Variants in HSPD1 observed in about 807,000 individuals in gnomAD.
HSPD1 encodes the protein 60 kDa heat shock protein, mitochondrial.
A neutral mutation model predicts 53.0 loss-of-function variants in HSPD1; 3 were observed. That is an observed-to-expected ratio of 0.06 (90% CI 0.03 to 0.15). The LOEUF (loss-of-function observed/expected upper bound fraction) is 0.15, where lower values mean the gene tolerates loss of function less well. HSPD1 is among the 10% of genes least tolerant of loss of function. The pLI is 1.00. For synonymous variants in HSPD1, 200 were observed against 228.0 expected, an observed-to-expected ratio of 0.88 and a Z score of 1.10; for missense variants, 431 against 694.1, an observed-to-expected ratio of 0.62 and a Z score of 4.26.
chr2:197,495,528 C>T (rs2086147051), intron 3 of HSPD1, 152 bp from the exon 4 acceptor site: 1 of 631,380 alleles, frequency 1.6e-6, no homozygotes, highest in African/African-American at 1.9e-5. Flanking sequence ...TTCTGCTGCC[C>T]AGGCTAGAGT....
chr2:197,499,045 C>T, intron 1 of HSPD1, 195 bp from the exon 2 acceptor site: 2 of 639,790 alleles, frequency 3.1e-6, no homozygotes, highest in Non-Finnish European at 5.7e-6. Flanking sequence ...AGAGGCCGCC[C>T]CGGCCGGCGC....
chr2:197,498,966 C>A (rs903685174), intron 1 of HSPD1, 116 bp from the exon 2 acceptor site: 25 of 910,960 alleles, frequency 2.7e-5, no homozygotes, highest in African/African-American at 1.5e-4. Context: ...GGCTGACCTC[C>A]GCCAGCCACT....
intron 2 of HSPD1, 88 bp from the exon 3 acceptor site, chr2:197,497,480 A>G (rs748772069): frequency 2.0e-4 from 263 of 1,312,842 alleles, no homozygotes; most frequent in Non-Finnish European, 4.3e-5. Context: ...TAAAGCAACT[A>G]CTTCAAAGTC....
chr2:197,488,590 T>C, intron 9 of HSPD1, 99 bp from the exon 10 acceptor site: 1 of 1,096,938 alleles, frequency 9.1e-7, no homozygotes, highest in South Asian at 1.2e-5. Context: ...AATCCTGAGG[T>C]GGGCGTGGTG....
chr2:197,494,508 T>C (rs554952501), intron 5 of HSPD1, 149 bp downstream of exon 5: 1 of 657,994 alleles, frequency 1.5e-6, no homozygotes, highest in Admixed American at 2.5e-5. Context: ...ATTCTATACA[T>C]GTGCTGAGAC....
chr2:197,494,946 G>T (rs2086139811), intron 4 of HSPD1, 194 bp from the exon 5 acceptor site: 5 of 620,200 alleles, frequency 8.1e-6, no homozygotes. Context: ...ACATTGTTTT[G>T]AAGAATATGA....
At chr2:197,500,244 C>T, upstream of HSPD1, 1 of 700,664 alleles carries the variant, frequency 1.4e-6, no homozygotes, top group East Asian at 2.7e-5. Context: ...TGCGCAGGGC[C>T]CTTGGGGCGA....
At chr2:197,495,804 T>C (rs2086149951) in intron 3 of HSPD1, among the ~76,000 whole-genome samples, 1 of 152,206 alleles carries the variant, frequency 6.6e-6, no homozygotes, top group African/African-American at 2.4e-5. Context: ...AGACAGTGCT[T>C]CTTAATAACA....
chr2:197,487,266 G>A, intron 11 of HSPD1, 68 bp from the exon 12 acceptor site: 3 of 1,423,316 alleles, frequency 2.1e-6, no homozygotes, highest in Non-Finnish European at 2.9e-6. Flanking sequence ...GAAAATTTCT[G>A]TCTGGGCATG....
At position 197,495,134 on chromosome 2, in the gene HSPD1, T is replaced by G; in HGVS notation, c.510+160A>C. ...TAGAACTAAATGACAACCATTATGG[T>G]CATAATTCTTTTCAAAGGTTTTAGC... On this transcript the variant is annotated intron_variant, in intron 4 of 11. Coordinates refer to ENST00000388968, the MANE Select transcript of HSPD1 (RefSeq NM_002156.5). 3 of 650,488 alleles carry G rather than the reference T, an allele frequency of 4.6e-6. No homozygotes were observed. In the East Asian group the frequency reaches 8.2e-5, roughly 18 times the overall value. The allele number at this position is 650,488 out of a possible 1,614,324, so 40.3% of individuals were successfully genotyped here.
Position 197,492,378 on chromosome 2 carries a change from C to T in HSPD1, c.869+946G>A, listed in dbSNP as rs189237813. On this transcript the variant is annotated intron_variant, in intron 7 of 11. Coordinates refer to ENST00000388968, the MANE Select transcript of HSPD1 (RefSeq NM_002156.5). ...CTAATTTTTATATTTTTAGTAGAGA[C>T]GGGGTTTCACTATGTTGGCCAGGCT... Among the ~76,000 whole-genome samples the T allele has an allele frequency of 2.4e-4, 37 of 151,922 alleles. No individual in the cohort carries two copies. The East Asian group carries it at 4.3e-3, about 18-fold the overall frequency.
chr2:197,489,978 TTATTCAGTCAATAAG>T, intron 8 of HSPD1, among the ~76,000 whole-genome samples: 1 of 152,268 alleles, frequency 6.6e-6, no homozygotes, highest in African/African-American at 2.4e-5. Context: ...GGAAACCCCC[TTATTCAGTCAATAAG>T]ATTTAGTCAA....
At chr2:197,496,385 G>A (rs2086157128) in intron 3 of HSPD1, among the ~76,000 whole-genome samples, 2 of 152,064 alleles carry the variant, frequency 1.3e-5, no homozygotes, top group African/African-American at 2.4e-5. Context: ...AAATAGATGA[G>A]GTAATGATAC....
intron 8 of HSPD1, among the ~76,000 whole-genome samples, chr2:197,489,856 C>CAA (rs759970727): frequency 6.1e-5 from 8 of 131,560 alleles, no homozygotes; most frequent in Non-Finnish European, 6.5e-5. Context: ...CACCCTGTCT[C>CAA]AAAAAAAAAA....
intron 11 of HSPD1, 38 bp downstream of exon 11, chr2:197,487,820 A>G (rs2086045120): frequency 6.4e-7 from 1 of 1,563,286 alleles, no homozygotes; most frequent in Non-Finnish European, 8.8e-7. Flanking sequence ...AACAAAATGA[A>G]CAACAAAAGA....
At chr2:197,487,290 G>A in intron 11 of HSPD1, 92 bp from the exon 12 acceptor site, 1 of 1,135,580 alleles carries the variant, frequency 8.8e-7, no homozygotes, top group Non-Finnish European at 1.3e-6. Context: ...GCTCACACCT[G>A]TAATCCAGCA....
At chr2:197,495,770 T>A in intron 3 of HSPD1, among the ~76,000 whole-genome samples, 1 of 152,232 alleles carries the variant, frequency 6.6e-6, no homozygotes, top group East Asian at 1.9e-4. Flanking sequence ...AGTGCCTTAA[T>A]ATTAAATTTA....
chr2:197,495,224 C>G, intron 4 of HSPD1, 70 bp downstream of exon 4: 2 of 839,334 alleles, frequency 2.4e-6, no homozygotes, highest in East Asian at 2.5e-5. Flanking sequence ...TTGGTGTGAT[C>G]AAGGGAAAAA....
chr2:197,498,894 T>A, intron 1 of HSPD1, 44 bp from the exon 2 acceptor site: 1 of 1,573,280 alleles, frequency 6.4e-7, no homozygotes, highest in Non-Finnish European at 8.7e-7. Flanking sequence ...CCACCCGTGG[T>A]GCGCTGCAGA....
Sources: gnomAD v4.1 joint callset for allele counts (sites outside exome capture counted in the v4.1 genomes callset) on GRCh38, gnomAD v4.1.1 for gene constraint, MANE v1.5 for transcripts, NCBI Gene and HGNC (gene_info 2026-07-23, HGNC 2026-07-21) for gene names.